OSBP2: variants seen among roughly 807,000 people sequenced by gnomAD.
The protein encoded by OSBP2 is oxysterol binding protein 2.
OSBP2 carries 66 observed loss-of-function variants against 96.0 expected under a neutral mutation model. The ratio of observed to expected loss-of-function variants is 0.69; its 90% CI spans 0.56 to 0.84. OSBP2 has a LOEUF of 0.84. OSBP2 is among the 40% of genes least tolerant of loss of function. OSBP2 has a pLI of 0.00. For synonymous variants in OSBP2, 525 were observed against 520.9 expected (o/e 1.01, Z -0.11); for missense variants, 1,038 against 1,222.7 (o/e 0.85, Z 2.25).
intron 2 of OSBP2, among the ~76,000 whole-genome samples, chr22:30,757,578 T>C (rs1300099655): frequency 6.6e-6 from 1 of 151,974 alleles, no homozygotes; most frequent in African/African-American, 2.4e-5. Context: ...CCACCATACC[T>C]GGCTAATTTT....
chr22:30,730,808 A>ATT (rs1491303061), intron 1 of OSBP2, among the ~76,000 whole-genome samples: 1,665 of 38,838 alleles, frequency 0.043, 243 homozygotes, highest in Middle Eastern at 0.083. Context: ...ATATATATAT[A>ATT]ATTTTTTTTT....
At chr22:30,857,557 T>G (rs1159249771) in intron 2 of OSBP2, among the ~76,000 whole-genome samples, 1 of 152,240 alleles carries the variant, frequency 6.6e-6, no homozygotes, top group Non-Finnish European at 1.5e-5. Flanking sequence ...CTACAGAGCA[T>G]TTTTATTTTT....
At chr22:30,728,228 C>G (rs533235489) in intron 1 of OSBP2, among the ~76,000 whole-genome samples, 3 of 152,016 alleles carry the variant, frequency 2.0e-5, no homozygotes, top group Non-Finnish European at 4.4e-5. Flanking sequence ...AACCCCATCT[C>G]TACTAAAAAT....
intron 2 of OSBP2, among the ~76,000 whole-genome samples, chr22:30,840,303 G>A (rs557047323): frequency 1.8e-3 from 224 of 121,190 alleles, no homozygotes; most frequent in Non-Finnish European, 2.3e-3. Context: ...AAATAAACCT[G>A]TTAAAAAAAA....
chr22:30,834,384 T>TA (rs1251180549), intron 2 of OSBP2, among the ~76,000 whole-genome samples: 2 of 152,204 alleles, frequency 1.3e-5, no homozygotes, highest in African/African-American at 4.8e-5. Context: ...GATTGCTAGG[T>TA]AATATAGTTT....
chr22:30,876,638 G>T (rs1481522370), intron 3 of OSBP2, among the ~76,000 whole-genome samples: 1 of 152,210 alleles, frequency 6.6e-6, no homozygotes, highest in Non-Finnish European at 1.5e-5. Flanking sequence ...CAACACCCAT[G>T]CCCCAGCTCC....
chr22:30,785,501 A>T lies in OSBP2; in HGVS notation c.853+44132A>T, dbSNP rs566663246. Among the ~76,000 whole-genome samples the T allele has an allele frequency of 2.8e-5, 4 of 143,760 alleles. No individual in the cohort carries two copies. In the East Asian group the frequency reaches 8.6e-4, roughly 31 times the overall value. The allele number at this position is 143,760 out of a possible 152,430, so 94.3% of individuals were successfully genotyped here. On this transcript the variant is annotated intron_variant, in intron 2 of 13. Coordinates refer to ENST00000332585, the MANE Select transcript of OSBP2 (RefSeq NM_030758.4). ...AGAATCACTTGAATCCAGGAGGTGGAGGTTGCAGTGAGCCAAGATCGCGCC... is the reference window on the plus strand; with the variant it reads ...AGAATCACTTGAATCCAGGAGGTGGTGGTTGCAGTGAGCCAAGATCGCGCC...
chr22:30,768,566 AC>A (rs1381961235), intron 2 of OSBP2, among the ~76,000 whole-genome samples: 1 of 151,836 alleles, frequency 6.6e-6, no homozygotes, highest in Non-Finnish European at 1.5e-5. Flanking sequence ...AGTCCCACCT[AC>A]TCGGGAGGCT....
intron 2 of OSBP2, among the ~76,000 whole-genome samples, chr22:30,837,834 A>T (rs1569144596): frequency 6.6e-6 from 1 of 151,920 alleles, no homozygotes; most frequent in African/African-American, 2.4e-5. Flanking sequence ...AGCCCTGAAG[A>T]CTCTGCTTCT....
intron 2 of OSBP2, among the ~76,000 whole-genome samples, chr22:30,818,404 G>T (rs2091106025): frequency 6.6e-6 from 1 of 152,070 alleles, no homozygotes; most frequent in Non-Finnish European, 1.5e-5. Context: ...TATTGAGTTA[G>T]GTTGCTTCAT....
At chr22:30,782,480 G>A (rs527284379) in intron 2 of OSBP2, among the ~76,000 whole-genome samples, 1 of 152,182 alleles carries the variant, frequency 6.6e-6, no homozygotes, top group South Asian at 2.1e-4. Context: ...GAGCCACTGC[G>A]CCCGGCTGCA....
At chr22:30,847,702 G>A (rs1237249959) in intron 2 of OSBP2, among the ~76,000 whole-genome samples, 1 of 152,104 alleles carries the variant, frequency 6.6e-6, no homozygotes, top group East Asian at 1.9e-4. Flanking sequence ...TTTTATGAGT[G>A]AGTTTTGGTA....
chr22:30,774,050 G>A lies in OSBP2; in HGVS notation c.853+32681G>A, dbSNP rs11913059. On this transcript the variant is annotated intron_variant, in intron 2 of 13. Transcript: ENST00000332585. ...CAATGCTTAATGGTCTTCCTCTCCC[G>A]AGTGGAGGACCAGTGTCATGGGTGG... Among the ~76,000 whole-genome samples, 1,369 of 152,180 alleles carry A rather than the reference G, an allele frequency of 9.0e-3. 16 individuals are homozygous for A. The highest frequency in any genetic ancestry group is 0.03 in the African/African-American group (1,253 of 41,526).
At chr22:30,848,461 C>T (rs2038915154) in intron 2 of OSBP2, among the ~76,000 whole-genome samples, 1 of 152,038 alleles carries the variant, frequency 6.6e-6, no homozygotes, top group Non-Finnish European at 1.5e-5. Flanking sequence ...AATTTAAATG[C>T]AACAAAATGA....
At chr22:30,866,746 GAAA>G (rs34739677) in intron 2 of OSBP2, among the ~76,000 whole-genome samples, 26 of 148,962 alleles carry the variant, frequency 1.7e-4, no homozygotes, top group South Asian at 1.3e-3. Context: ...CAAAAAACAG[GAAA>G]AAAAAAAAAT....
Position 30,906,596 on chromosome 22 carries a change from A to C in OSBP2, c.*257A>C. On this transcript the variant is annotated 3_prime_UTR_variant, in exon 14 of 14. Transcript: ENST00000332585. ...CATTATGGACCTGGGCCCTACCGGA[A>C]CCCCTGCCCCAGTTACCACAACTCA... 2.8e-6 allele frequency: 1 copy of C among 352,376 alleles called. No individual in the cohort carries two copies. Among genetic ancestry groups the C allele is most frequent in the Non-Finnish European group, 5.0e-6 (1 of 198,074 alleles). The allele number at this position is 352,376 out of a possible 1,614,324, so 21.8% of individuals were successfully genotyped here. A position where few individuals can be genotyped will look rare whatever the true frequency, so the allele number is the denominator to read the frequency against.
Position 30,870,483 on chromosome 22 carries a change from A to C in OSBP2, c.908A>C (p.His303Pro). Residue 303 changes from histidine to proline, a missense_variant, in exon 3 of 14, where the codon CAC becomes CCC. By Grantham distance (77) the His-to-Pro change is moderately conservative. This residue lies in a region of OSBP2 where 737 missense variants were observed against 913.3 expected (regional missense o/e 0.81). Coordinates refer to ENST00000332585, the MANE Select transcript of OSBP2 (RefSeq NM_030758.4). This position sits in a 1 kb window ranked among gnomAD's most constrained non-coding sequence, Gnocchi z 4.1. Reference protein sequence around the residue: ...ATTPADKSELHHTLKNLSLKL... With the variant: ...ATTPADKSELPHTLKNLSLKL... ...ACCCCAGCCGACAAGAGCGAGCTGC[A>C]CCACACCCTGAAGAATCTTTCCCTG... is the stretch of plus-strand genomic sequence containing the variant. 6.2e-7 allele frequency: 1 copy of C among 1,614,036 alleles called. No homozygotes were observed. The highest frequency in any genetic ancestry group is 8.5e-7 in the Non-Finnish European group (1 of 1,180,022).
rs1287582762 is a variant in OSBP2, at chr22:30,890,809, C to T, written c.1705C>T (p.His569Tyr). ...CCACCACCTGCTGGACAAGGCAGTG[C>T]ACTGCACCAGCTCAGTGGAGCAGAT... is the stretch of plus-strand genomic sequence containing the variant. ...EYHHLLDKAV[H>Y]CTSSVEQMCL... is the part of the protein sequence containing the mutation. The change falls in exon 8 of 14, where the codon CAC becomes TAC. Residue 569 changes from histidine to tyrosine, a missense_variant. Around this residue, in one of 3 missense-constraint regions of OSBP2, gnomAD observed 737 missense variants for 913.3 expected, o/e 0.81. Coordinates refer to ENST00000332585, the MANE Select transcript of OSBP2 (RefSeq NM_030758.4). The surrounding 1 kb of genome is among the most constrained non-coding windows in gnomAD (Gnocchi z 4.4). 6.2e-7 allele frequency: 1 copy of T among 1,613,640 alleles called. No individual in the cohort carries two copies. Among genetic ancestry groups the T allele is most frequent in the South Asian group, 1.1e-5 (1 of 91,082 alleles).
At chr22:30,830,117 T>G (rs928130213) in intron 2 of OSBP2, among the ~76,000 whole-genome samples, 1 of 152,214 alleles carries the variant, frequency 6.6e-6, no homozygotes, top group Non-Finnish European at 1.5e-5. Flanking sequence ...CACTGCAGAT[T>G]CATTCTCCTG....
Sources: allele counts gnomAD v4.1 joint callset (sites outside exome capture counted in the v4.1 genomes callset), GRCh38; gene constraint gnomAD v4.1.1; regional missense constraint gnomAD v4.1.1; non-coding constraint Gnocchi (gnomAD v3.1); transcripts MANE v1.5; gene names NCBI Gene and HGNC (gene_info 2026-07-23, HGNC 2026-07-21).